KSR1: variants seen among roughly 807,000 people sequenced by gnomAD.
KSR1 encodes kinase suppressor of ras.
A neutral mutation model predicts 92.9 loss-of-function variants in KSR1; 35 were observed. That is an observed-to-expected ratio of 0.38 (90% CI 0.29 to 0.50). The LOEUF is 0.50. Ranked by LOEUF, KSR1 falls within the 20% of genes least tolerant of loss-of-function variation. The pLI, the probability that KSR1 is intolerant of heterozygous loss-of-function variation, is 0.94. For missense variants in KSR1, 972 were observed against 1,158.5 expected (o/e 0.84, Z 2.34); for synonymous variants, 467 against 472.6 (o/e 0.99, Z 0.15).
intron 2 of KSR1, among the ~76,000 whole-genome samples, chr17:27,564,477 A>ACCAAGTTTTGC (rs2071976779): frequency 1.3e-5 from 2 of 152,256 alleles, no homozygotes; most frequent in Non-Finnish European, 2.9e-5. Flanking sequence ...TTTAGGCAAT[A>ACCAAGTTTTGC]CAAATCCAAG....
chr17:27,524,945 A>G (rs114383998), intron 1 of KSR1, among the ~76,000 whole-genome samples: 2,625 of 152,296 alleles, frequency 0.017, 71 homozygotes, highest in African/African-American at 0.059. Flanking sequence ...AAATATTCCC[A>G]TTAGAAATGG....
At chr17:27,513,624 G>A (rs2069682155) in intron 1 of KSR1, among the ~76,000 whole-genome samples, 2 of 152,196 alleles carry the variant, frequency 1.3e-5, no homozygotes, top group South Asian at 4.1e-4. Flanking sequence ...GGACCCCAGG[G>A]AAGCTTTGCT....
intron 18 of KSR1, 87 bp from the exon 19 acceptor site, chr17:27,617,208 C>G (rs540522711): frequency 2.1e-6 from 3 of 1,407,368 alleles, no homozygotes; most frequent in Middle Eastern, 2.0e-4. Context: ...TTGAGAACAT[C>G]AAAGGGACCC....
intron 1 of KSR1, among the ~76,000 whole-genome samples, chr17:27,460,121 ACCCTCCTAGG>A (rs1451025965): frequency 3.3e-5 from 5 of 151,910 alleles, no homozygotes; most frequent in Non-Finnish European, 7.4e-5. Flanking sequence ...TCTCCGCTAG[ACCCTCCTAGG>A]GGTCTGAAAA....
At chr17:27,526,012 C>CTT (rs1346952230) in intron 1 of KSR1, among the ~76,000 whole-genome samples, 1 of 98,234 alleles carries the variant, frequency 1.0e-5, no homozygotes, top group African/African-American at 5.7e-5. Flanking sequence ...CTTTTCTTTT[C>CTT]TTTTCTTTTC....
At chr17:27,470,018 G>GTGTGTGTGTGTGTGTA (rs1567739536) in intron 1 of KSR1, among the ~76,000 whole-genome samples, 4 of 150,074 alleles carry the variant, frequency 2.7e-5, no homozygotes, top group Non-Finnish European at 1.5e-5. Context: ...GTGTGTGTGT[G>GTGTGTGTGTGTGTGTA]TGTGTGTGTG....
At chr17:27,487,518 G>A (rs1465876246) in intron 1 of KSR1, among the ~76,000 whole-genome samples, 1 of 151,898 alleles carries the variant, frequency 6.6e-6, no homozygotes, top group Admixed American at 6.6e-5. Context: ...GGAGGCCGAG[G>A]TCGGTGGATC....
intron 1 of KSR1, among the ~76,000 whole-genome samples, chr17:27,466,080 T>G (rs1308174917): frequency 1.3e-5 from 2 of 152,234 alleles, no homozygotes; most frequent in African/African-American, 4.8e-5. Flanking sequence ...TTAAAGGTTC[T>G]GAGAAGTACT....
At chr17:27,575,150 A>C (rs1303931735) in intron 2 of KSR1, among the ~76,000 whole-genome samples, 1 of 152,240 alleles carries the variant, frequency 6.6e-6, no homozygotes, top group Non-Finnish European at 1.5e-5. Context: ...AATGAAGGCA[A>C]GTTTATTAGA....
At chr17:27,558,268 C>CTTTTTTTTTTTTTTT (rs35172937) in intron 2 of KSR1, 1 of 142,054 alleles carries the variant, frequency 7.0e-6, no homozygotes. Context: ...CCTTCTCTCT[C>CTTTTTTTTTTTTTTT]TTTTTTTTTT....
chr17:27,497,029 G>A (rs971690440), intron 1 of KSR1, among the ~76,000 whole-genome samples: 3 of 152,188 alleles, frequency 2.0e-5, no homozygotes, highest in Non-Finnish European at 4.4e-5. Context: ...GTTTTCTAGG[G>A]GCAGCAGTAA....
At chr17:27,471,144 C>T (rs2019977637) in intron 1 of KSR1, among the ~76,000 whole-genome samples, 1 of 152,196 alleles carries the variant, frequency 6.6e-6, no homozygotes. Context: ...GCTGTAAAGG[C>T]GTGAGCCACC....
At chr17:27,596,980 G>C (rs753290973) in intron 9 of KSR1, among the ~76,000 whole-genome samples, 1 of 152,236 alleles carries the variant, frequency 6.6e-6, no homozygotes, top group Non-Finnish European at 1.5e-5. Flanking sequence ...AACTGTGCCA[G>C]GATGGAGAGG....
In KSR1 at chr17:27,609,153, C is replaced by T. The variant is rs567435049; in HGVS notation, c.2092-43C>T. 29 of 1,586,836 alleles carry T rather than the reference C, an allele frequency of 1.8e-5. No homozygotes were observed. In the East Asian group the frequency reaches 3.2e-4, roughly 17 times the overall value. On this transcript the variant is annotated intron_variant, in intron 15 of 20. Transcript: ENST00000644974. ...ATCATCCAGCCCAGGGTGGCACCTCCGTCATCGTTGCACATCTTCACTCCT... is the reference window on the plus strand; with the variant it reads ...ATCATCCAGCCCAGGGTGGCACCTCTGTCATCGTTGCACATCTTCACTCCT...
intron 1 of KSR1, among the ~76,000 whole-genome samples, chr17:27,478,930 C>T (rs927565558): frequency 4.6e-5 from 7 of 152,042 alleles, no homozygotes; most frequent in African/African-American, 1.7e-4. Context: ...CCATGCTCCT[C>T]CCTTCATCCA....
Position 27,528,528 on chromosome 17 carries a change from G to A in KSR1, c.232-22040G>A, listed in dbSNP as rs543988773. Reference sequence around the variant, plus strand: ...GATGTTCAGTTCTTTCTCCTTCCCAGGAGAGACCTGTACTTCTTCACTTCT... The same window carrying A: ...GATGTTCAGTTCTTTCTCCTTCCCAAGAGAGACCTGTACTTCTTCACTTCT... On this transcript the variant is annotated intron_variant, in intron 1 of 20. Transcript: ENST00000644974. Among the ~76,000 whole-genome samples, 8 of 152,262 alleles carry A rather than the reference G, an allele frequency of 5.3e-5. No homozygotes were observed. The South Asian group carries it at 1.7e-3, about 32-fold the overall frequency.
Position 27,520,979 on chromosome 17 carries a change from G to C in KSR1, c.232-29589G>C, listed in dbSNP as rs534110116. 9.2e-5 allele frequency among the ~76,000 whole-genome samples: 14 copies of C among 152,350 alleles called. No homozygotes were observed. In the South Asian group the frequency reaches 2.5e-3, roughly 27 times the overall value. Reference sequence around the variant, plus strand: ...CTATGGGCTGTTTGGCCTTGGGTTCGCTTCCTGCCTTGGGCAGTCTGTGGA... The same window carrying C: ...CTATGGGCTGTTTGGCCTTGGGTTCCCTTCCTGCCTTGGGCAGTCTGTGGA... On this transcript the variant is annotated intron_variant, in intron 1 of 20. Transcript: ENST00000644974.
At chr17:27,566,382 C>A (rs1041330897) in intron 2 of KSR1, 1 of 399,120 alleles carries the variant, frequency 2.5e-6, no homozygotes, top group Non-Finnish European at 4.4e-6. Flanking sequence ...AACCCCTCTC[C>A]CTGCCTCCTT....
intron 2 of KSR1, among the ~76,000 whole-genome samples, chr17:27,569,059 T>C (rs1020745994): frequency 6.6e-6 from 1 of 152,268 alleles, no homozygotes; most frequent in African/African-American, 2.4e-5. Context: ...CTTTAAACAT[T>C]TAAAAAATTT....
Sources: allele counts gnomAD v4.1 joint callset (sites outside exome capture counted in the v4.1 genomes callset), GRCh38; gene constraint gnomAD v4.1.1; transcripts MANE v1.5; gene names NCBI Gene and HGNC (gene_info 2026-07-23, HGNC 2026-07-21).